IPCEF1: variants seen among roughly 807,000 people sequenced by gnomAD.
IPCEF1 encodes the protein interaction protein for cytohesin exchange factors 1, also known as interactor protein for cytohesin exchange factors 1.
A neutral mutation model predicts 50.9 loss-of-function variants in IPCEF1; 31 were observed. The ratio of observed to expected loss-of-function variants is 0.61; its 90% confidence interval spans 0.46 to 0.82. IPCEF1 has a LOEUF of 0.82. Among genes scored for constraint, IPCEF1 ranks in the 40% least tolerant of loss-of-function variants. IPCEF1 has a pLI of 0.00. For missense variants in IPCEF1, 458 were observed against 514.0 expected, an observed-to-expected ratio of 0.89 and a Z score of 1.05; for synonymous variants, 181 against 192.0, an observed-to-expected ratio of 0.94 and a Z score of 0.47.
At chr6:154,237,262 C>G (rs946073233) in intron 5 of IPCEF1, among the ~76,000 whole-genome samples, 2 of 152,232 alleles carry the variant, frequency 1.3e-5, no homozygotes, top group African/African-American at 4.8e-5. Context: ...ACACCCTCAC[C>G]ATTAACTCAT....
rs192234699 is a variant in IPCEF1, at chr6:154,213,035, A to G, written c.452-180T>C. 55 of 576,814 alleles carry G rather than the reference A, an allele frequency of 9.5e-5. No homozygotes were observed. The East Asian group carries it at 1.5e-3, about 16-fold the overall frequency. 35.7% of individuals were successfully genotyped at this position (576,814 alleles called of 1,614,324 possible). ...GGAATTACATAAGAGGCAGAAACAAATGGCCAATTCGGGGCTCCTGACCTC... is the reference window on the plus strand; with the variant it reads ...GGAATTACATAAGAGGCAGAAACAAGTGGCCAATTCGGGGCTCCTGACCTC... On this transcript the variant is annotated intron_variant, in intron 8 of 11. Coordinates refer to ENST00000367220, the MANE Select transcript of IPCEF1 (RefSeq NM_001130700.2).
At chr6:154,245,835 A>G (rs1367788562) in intron 5 of IPCEF1, among the ~76,000 whole-genome samples, 4 of 152,188 alleles carry the variant, frequency 2.6e-5, no homozygotes, top group Non-Finnish European at 5.9e-5. Flanking sequence ...CAACATCGTC[A>G]TTTTCAACAT....
At chr6:154,319,720 A>G (rs1783323553) in intron 1 of IPCEF1, among the ~76,000 whole-genome samples, 1 of 152,244 alleles carries the variant, frequency 6.6e-6, no homozygotes, top group Non-Finnish European at 1.5e-5. Flanking sequence ...CAAAAGCAGC[A>G]AGTGGCTCCG....
At chr6:154,308,010 TTTAAATAAAAACAGTTC>T (rs1301026885) in intron 1 of IPCEF1, among the ~76,000 whole-genome samples, 6 of 152,180 alleles carry the variant, frequency 3.9e-5, no homozygotes, top group Non-Finnish European at 5.9e-5. Flanking sequence ...ACGTTGCCCC[TTTAAATAAAAACAGTTC>T]TCCAGCAGTC....
At chr6:154,283,692 A>C (rs1782285834) in intron 2 of IPCEF1, among the ~76,000 whole-genome samples, 1 of 152,224 alleles carries the variant, frequency 6.6e-6, no homozygotes, top group African/African-American at 2.4e-5. Flanking sequence ...AGAATTCTAA[A>C]AGTTTCTCTA....
At chr6:154,331,405 AAGAG>A in intron 1 of IPCEF1, among the ~76,000 whole-genome samples, 1 of 93,022 alleles carries the variant, frequency 1.1e-5, no homozygotes, top group Non-Finnish European at 2.2e-5. Flanking sequence ...GAAAGAAAGA[AAGAG>A]AGAGAAAAAG....
Position 154,277,271 on chromosome 6 carries a change from C to T in IPCEF1, c.-17-11307G>A, listed in dbSNP as rs973498921. 1.2e-3 allele frequency among the ~76,000 whole-genome samples: 185 copies of T among 152,148 alleles called. 2 individuals carry two copies. The highest frequency in any genetic ancestry group is 3.5e-3 in the African/African-American group (145 of 41,444). The stretch of plus-strand genomic sequence containing the variant: ...GTCTCCAAAACATCTAAAGCAAGAA[C>T]GAGAGATGTCACTAAAACACACCTA... On this transcript the variant is annotated intron_variant, in intron 2 of 11. Transcript: ENST00000367220.
intron 2 of IPCEF1, among the ~76,000 whole-genome samples, chr6:154,288,536 G>A (rs1008287297): frequency 5.3e-5 from 8 of 151,882 alleles, no homozygotes; most frequent in Non-Finnish European, 7.4e-5. Flanking sequence ...GGCGGCAGGC[G>A]CTTGTAGTCC....
chr6:154,159,271 A>G lies in IPCEF1; in HGVS notation c.*557T>C, dbSNP rs1479799310. On this transcript the variant is annotated 3_prime_UTR_variant, in exon 12 of 12. Transcript: ENST00000367220. The stretch of plus-strand genomic sequence containing the variant: ...CTCTCCCACATGCCACTGTCTATGA[A>G]GCATTTCTCATCACATGGAAAAGGC... 6.3e-6 allele frequency: 1 copy of G among 157,874 alleles called. No homozygotes were observed. The highest frequency in any genetic ancestry group is 6.5e-5 in the Admixed American group (1 of 15,336). 9.8% of individuals were successfully genotyped at this position (157,874 alleles called of 1,614,324 possible). A position where few individuals can be genotyped will look rare whatever the true frequency, so the allele number is the denominator to read the frequency against.
At chr6:154,348,860 T>C (rs1784076954) in intron 1 of IPCEF1, among the ~76,000 whole-genome samples, 1 of 152,216 alleles carries the variant, frequency 6.6e-6, no homozygotes, top group Non-Finnish European at 1.5e-5. Flanking sequence ...AGATTATATA[T>C]ATTCTCATCA....
intron 11 of IPCEF1, among the ~76,000 whole-genome samples, chr6:154,161,797 T>C (rs1357921439): frequency 2.0e-5 from 3 of 152,208 alleles, no homozygotes; most frequent in African/African-American, 7.2e-5. Flanking sequence ...AATTCATGCA[T>C]GTGATTGAAC....
At chr6:154,240,930 A>G (rs1212606842) in intron 5 of IPCEF1, among the ~76,000 whole-genome samples, 3 of 152,136 alleles carry the variant, frequency 2.0e-5, no homozygotes, top group East Asian at 1.9e-4. Context: ...CAGTTTGTCT[A>G]AAGTTTTTAT....
intron 1 of IPCEF1, among the ~76,000 whole-genome samples, chr6:154,297,431 G>A (rs1169286168): frequency 6.6e-6 from 1 of 152,130 alleles, no homozygotes; most frequent in African/African-American, 2.4e-5. Flanking sequence ...TTAAACCCCA[G>A]GTTGACGTGC....
intron 5 of IPCEF1, among the ~76,000 whole-genome samples, chr6:154,226,200 A>C (rs978114075): frequency 1.3e-5 from 2 of 152,148 alleles, no homozygotes; most frequent in African/African-American, 2.4e-5. Context: ...ATCTGTCATC[A>C]CTGTACACAC....
intron 1 of IPCEF1, among the ~76,000 whole-genome samples, chr6:154,301,182 T>G (rs1444622808): frequency 6.9e-6 from 1 of 145,062 alleles, no homozygotes; most frequent in Non-Finnish European, 1.5e-5. Context: ...TTAAAATCAT[T>G]GTTGTCGTAG....
chr6:154,207,681 C>T (rs1221859858), intron 9 of IPCEF1, among the ~76,000 whole-genome samples: 2 of 152,156 alleles, frequency 1.3e-5, no homozygotes, highest in Non-Finnish European at 2.9e-5. Context: ...TGACTTCCTC[C>T]TCTGTCGCTG....
In IPCEF1 at chr6:154,154,759, C is replaced by T. The variant is rs1798644709; in HGVS notation, c.*5069G>A. 1 of 152,434 alleles carries T rather than the reference C, an allele frequency of 6.6e-6. No individual in the cohort carries two copies. The highest frequency in any genetic ancestry group is 2.4e-5 in the African/African-American group (1 of 41,380). 9.4% of individuals were successfully genotyped at this position (152,434 alleles called of 1,614,324 possible). On this transcript the variant is annotated 3_prime_UTR_variant, in exon 12 of 12. Transcript: ENST00000367220. ...TTATTTTTATCTTACAAGTCAACCT[C>T]AAAAACATAAAGCAGGAGAGAAATG... is the stretch of plus-strand genomic sequence containing the variant.
At chr6:154,198,531 A>G (rs950162830) in intron 10 of IPCEF1, among the ~76,000 whole-genome samples, 10 of 152,154 alleles carry the variant, frequency 6.6e-5, no homozygotes, top group Non-Finnish European at 1.2e-4. Flanking sequence ...TGTGTAAAGC[A>G]TCTTTAGGTA....
intron 2 of IPCEF1, among the ~76,000 whole-genome samples, chr6:154,275,257 C>T (rs748775376): frequency 6.6e-6 from 1 of 152,216 alleles, no homozygotes; most frequent in Non-Finnish European, 1.5e-5. Context: ...AAAGTTTGTA[C>T]TGTCCTCAAG....
Sources: allele counts gnomAD v4.1 joint callset (sites outside exome capture counted in the v4.1 genomes callset), GRCh38; gene constraint gnomAD v4.1.1; transcripts MANE v1.5; gene names NCBI Gene and HGNC (gene_info 2026-07-23, HGNC 2026-07-21).